Variants in TERB1 observed in about 807,000 individuals in gnomAD.
TERB1 encodes telomere repeats-binding bouquet formation protein 1.
In TERB1, 63 loss-of-function variants were observed where a neutral mutation model predicts 92.3. That is an observed-to-expected ratio of 0.68 (90% CI 0.56 to 0.84). TERB1 has a LOEUF of 0.84. Among genes scored for constraint, TERB1 ranks in the 40% least tolerant of loss-of-function variants. The probability of loss-of-function intolerance (pLI) is 0.00; values close to 1 mark genes in which losing one functional copy is unlikely to be tolerated. For synonymous variants in TERB1, 252 were observed against 283.9 expected, an observed-to-expected ratio of 0.89 and a Z score of 1.13; for missense variants, 709 against 843.7, an observed-to-expected ratio of 0.84 and a Z score of 1.98.
intron 3 of TERB1, among the ~76,000 whole-genome samples, chr16:66,794,575 C>T (rs1215230099): frequency 6.6e-6 from 1 of 152,064 alleles, no homozygotes; most frequent in Non-Finnish European, 1.5e-5. Flanking sequence ...CCTTCAATAC[C>T]TCCTGAATAA....
At position 66,755,012 on chromosome 16, in the gene TERB1, G is replaced by C. The variant is rs566594511; in HGVS notation, c.2148C>G (p.His716Gln). Residue 716 changes from histidine (H) to glutamine (Q), a missense_variant, in exon 19 of 19, where the codon CAC (histidine) becomes CAG (glutamine). Transcript: ENST00000433154. ...RKAVDLAHKY[H>Q]KLTKHPTCAA... is the part of the protein sequence containing the mutation. ...CACACGTGGGGTGTTTGGTCAGCTT[G>C]TGGTATTTGTGAGCAAGGTCCACAG... 9.7e-6 allele frequency: 15 copies of C among 1,551,314 alleles called. No homozygotes were observed. The African/African-American group carries it at 1.5e-4, about 16-fold the overall frequency.
chr16:66,772,699 T>C lies in TERB1; in HGVS notation c.1162A>G (p.Thr388Ala). ...LGEYPFDENE[T>A]QQLKDISVKE... ...ACACTTATGTCCTTTAATTGCTGTG[T>C]TTCATTTTCATCAAAAGGATATTCT... is the stretch of plus-strand genomic sequence containing the variant. The change falls in exon 13 of 19, where the codon ACA becomes GCA. Residue 388 changes from threonine (T) to alanine (A), a missense_variant. Physicochemically the swap from Thr to Ala is moderately conservative, Grantham distance 58. Coordinates refer to ENST00000433154, the MANE Select transcript of TERB1 (RefSeq NM_001136505.2). The C allele has an allele frequency of 6.5e-7, 1 of 1,549,372 alleles. No individual in the cohort carries two copies. Among genetic ancestry groups the C allele is most frequent in the South Asian group, 1.2e-5 (1 of 83,748 alleles).
At chr16:66,783,581 G>T (rs1178249213) in intron 9 of TERB1, among the ~76,000 whole-genome samples, 3 of 152,076 alleles carry the variant, frequency 2.0e-5, no homozygotes, top group Non-Finnish European at 4.4e-5. Flanking sequence ...CTTATATGTT[G>T]GGAAGTGTTT....
At chr16:66,797,011 C>T (rs968714485) in intron 2 of TERB1, among the ~76,000 whole-genome samples, 181 bp from the exon 3 acceptor site, 5 of 152,012 alleles carry the variant, frequency 3.3e-5, no homozygotes, top group Admixed American at 1.3e-4. Flanking sequence ...TTATTAGATG[C>T]GTGATATCAA....
At chr16:66,792,543 G>C (rs1182106497) in intron 3 of TERB1, among the ~76,000 whole-genome samples, 3 of 152,188 alleles carry the variant, frequency 2.0e-5, no homozygotes, top group Non-Finnish European at 2.9e-5. Context: ...AAAGCTACTA[G>C]AATCAGTGAA....
intron 3 of TERB1, among the ~76,000 whole-genome samples, chr16:66,793,657 G>A (rs1261756248): frequency 2.0e-5 from 3 of 151,884 alleles, no homozygotes; most frequent in Admixed American, 1.3e-4. Context: ...GATTACAGGT[G>A]TGCACCACCA....
At chr16:66,793,139 G>A (rs1453313308) in intron 3 of TERB1, among the ~76,000 whole-genome samples, 2 of 150,156 alleles carry the variant, frequency 1.3e-5, no homozygotes, top group Non-Finnish European at 3.0e-5. Context: ...ATATAGAGGA[G>A]CATACTAAGA....
At position 66,790,961 on chromosome 16, in the gene TERB1, A is replaced by C. The variant is rs1158637918; in HGVS notation, c.90T>G (p.Ala30=). ...TGACCAAAGCTTCCTTTTGTGAAAA[A>C]GCATTGTCCATTTGATACTTTAGAC... ...LECLKYQMDN[A]FSQKEALVTI... is the part of the protein sequence containing the mutation. The change falls in exon 4 of 19, where the codon GCT becomes GCG. Residue 30 remains alanine (A), a synonymous_variant. Transcript: ENST00000433154. The C allele has an allele frequency of 6.5e-7, 1 of 1,549,926 alleles. No individual in the cohort carries two copies. The highest frequency in any genetic ancestry group is 1.2e-5 in the South Asian group (1 of 83,764).
intron 13 of TERB1, among the ~76,000 whole-genome samples, chr16:66,772,117 T>C (rs2018463208): frequency 1.3e-5 from 2 of 152,196 alleles, no homozygotes; most frequent in South Asian, 2.1e-4. Flanking sequence ...GAGTTTTCCA[T>C]TTAAAACTAT....
intron 16 of TERB1, among the ~76,000 whole-genome samples, chr16:66,761,075 A>C (rs1343417010): frequency 7.0e-6 from 1 of 142,772 alleles, no homozygotes; most frequent in East Asian, 2.1e-4. Context: ...TCGCGACTGC[A>C]CTCCAACCTG....
At chr16:66,780,744 G>A (rs1348841228) in intron 9 of TERB1, among the ~76,000 whole-genome samples, 4 of 152,148 alleles carry the variant, frequency 2.6e-5, no homozygotes, top group Non-Finnish European at 5.9e-5. Context: ...GTAGTTTACT[G>A]AGGGTAATGA....
At chr16:66,771,524 G>C (rs2095514076) in intron 13 of TERB1, among the ~76,000 whole-genome samples, 1 of 151,850 alleles carries the variant, frequency 6.6e-6, no homozygotes, top group Non-Finnish European at 1.5e-5. Context: ...CATGAATTTG[G>C]GTATCTGTGG....
intron 3 of TERB1, among the ~76,000 whole-genome samples, chr16:66,792,955 T>C (rs1402337730): frequency 6.6e-6 from 1 of 151,976 alleles, no homozygotes; most frequent in African/African-American, 2.4e-5. Flanking sequence ...TATTGTACAC[T>C]ACTGTAGACT....
At chr16:66,791,368 T>C (rs2018832562) in intron 3 of TERB1, among the ~76,000 whole-genome samples, 1 of 152,010 alleles carries the variant, frequency 6.6e-6, no homozygotes, top group Non-Finnish European at 1.5e-5. Context: ...ATTTGTGGGA[T>C]GCTACAAAAA....
chr16:66,784,057 A>G (rs979377420), intron 9 of TERB1, among the ~76,000 whole-genome samples: 50 of 152,152 alleles, frequency 3.3e-4, no homozygotes, highest in African/African-American at 1.2e-3. Context: ...AGCTGTTTCT[A>G]CTATTCTTTT....
chr16:66,764,247 T>C (rs1299410642), intron 16 of TERB1, among the ~76,000 whole-genome samples: 1 of 152,150 alleles, frequency 6.6e-6, no homozygotes, highest in Non-Finnish European at 1.5e-5. Context: ...ACAAGGCATT[T>C]GCGGGGAGAA....
intron 16 of TERB1, among the ~76,000 whole-genome samples, chr16:66,760,144 A>AG (rs1597007131): frequency 2.7e-5 from 3 of 112,746 alleles, no homozygotes; most frequent in East Asian, 4.7e-4. Context: ...AAAAAAAAAA[A>AG]AAAAGAAAAG....
intron 9 of TERB1, among the ~76,000 whole-genome samples, chr16:66,779,991 C>T (rs2018609982): frequency 6.6e-6 from 1 of 152,126 alleles, no homozygotes; most frequent in East Asian, 1.9e-4. Context: ...ATGGCTCATG[C>T]CTTTAATGAC....
intron 9 of TERB1, among the ~76,000 whole-genome samples, chr16:66,780,008 C>A (rs574136669): frequency 1.3e-5 from 2 of 152,050 alleles, no homozygotes; most frequent in African/African-American, 4.8e-5. Context: ...TGACTACAGG[C>A]GTGCACCACC....
Sources: allele counts gnomAD v4.1 joint callset (sites outside exome capture counted in the v4.1 genomes callset), GRCh38; gene constraint gnomAD v4.1.1; transcripts MANE v1.5; gene names NCBI Gene and HGNC (gene_info 2026-07-23, HGNC 2026-07-21).